DKK3: variants seen among roughly 807,000 people sequenced by gnomAD.
DKK3 encodes the protein dickkopf Wnt signaling pathway inhibitor 3, also known as dickkopf-related protein 3.
A neutral mutation model predicts 33.2 loss-of-function variants in DKK3; 22 were observed. The ratio of observed to expected loss-of-function variants is 0.66; its 90% CI spans 0.47 to 0.95. The LOEUF (loss-of-function observed/expected upper bound fraction) is 0.95, where lower values mean the gene tolerates loss of function less well. Ranked by LOEUF, DKK3 falls within the 40% of genes least tolerant of loss-of-function variation. The pLI, the probability that DKK3 is intolerant of heterozygous loss-of-function variation, is 0.00. For synonymous variants in DKK3, 194 were observed against 188.8 expected (o/e 1.03, Z -0.23); for missense variants, 398 against 458.4 (o/e 0.87, Z 1.20).
chr11:11,968,044 G>A (rs1847639199), intron 4 of DKK3, among the ~76,000 whole-genome samples: 2 of 151,960 alleles, frequency 1.3e-5, no homozygotes, highest in African/African-American at 2.4e-5. Flanking sequence ...TCGAACTCCC[G>A]GCCTCAATAG....
chr11:11,968,624 A>G, intron 3 of DKK3, 137 bp from the exon 4 acceptor site: 1 of 712,796 alleles, frequency 1.4e-6, no homozygotes. Flanking sequence ...AGGCCTCCAG[A>G]CTCTAGTCGC....
chr11:12,003,321 G>T (rs935341068), intron 1 of DKK3, among the ~76,000 whole-genome samples: 1 of 152,132 alleles, frequency 6.6e-6, no homozygotes, highest in Non-Finnish European at 1.5e-5. Flanking sequence ...ACCCTTGTAG[G>T]AAATCCTTGC....
At chr11:11,991,141 A>G (rs1403367866) in intron 3 of DKK3, among the ~76,000 whole-genome samples, 1 of 152,264 alleles carries the variant, frequency 6.6e-6, no homozygotes, top group Non-Finnish European at 1.5e-5. Flanking sequence ...TCTCAAGCTC[A>G]GAGAACCCAA....
chr11:11,969,804 G>T (rs531904030), intron 3 of DKK3, among the ~76,000 whole-genome samples: 2 of 152,166 alleles, frequency 1.3e-5, no homozygotes, highest in Non-Finnish European at 2.9e-5. Context: ...AAGTGCTGGC[G>T]GCCCAGCAAC....
At chr11:12,009,330 G>C, upstream of DKK3, 6 of 979,240 alleles carry the variant, frequency 6.1e-6, no homozygotes, top group Non-Finnish European at 7.2e-6. Flanking sequence ...GAGGGAGCCC[G>C]CAAGACGCGC....
At chr11:11,971,144 C>T (rs1337181492) in intron 3 of DKK3, among the ~76,000 whole-genome samples, 1 of 151,676 alleles carries the variant, frequency 6.6e-6, no homozygotes, top group Non-Finnish European at 1.5e-5. Context: ...AACACTTGTC[C>T]ATATATGTAA....
intron 3 of DKK3, among the ~76,000 whole-genome samples, chr11:11,970,833 C>G (rs996770787): frequency 6.6e-6 from 1 of 152,240 alleles, no homozygotes. Flanking sequence ...CAGCCCTGCC[C>G]ACTCTTTGCT....
chr11:11,982,668 G>A lies in DKK3; in HGVS notation c.436-14181C>T, dbSNP rs150623455. Among the ~76,000 whole-genome samples, 1,239 of 152,212 alleles carry A rather than the reference G, an allele frequency of 8.1e-3. 14 individuals carry two copies. Among genetic ancestry groups the A allele is most frequent in the African/African-American group, 0.027 (1,137 of 41,520 alleles). On this transcript the variant is annotated intron_variant, in intron 3 of 6. Coordinates refer to ENST00000683431, the MANE Select transcript of DKK3 (RefSeq NM_001018057.2). ...TGGCCACAGAGTTCTGGGCCTTCCC[G>A]CTTCCATGGGCCAGGGAGAGCACAG...
Position 11,964,640 on chromosome 11 carries a change from C to A in DKK3, c.877G>T (p.Asp293Tyr), listed in dbSNP as rs907320620. ...GGCAGCAGGATCTCCCCATCTTGGTCACGGCTCCCCACGAAGGTCGGCTTG... is the reference window on the plus strand; with the variant it reads ...GGCAGCAGGATCTCCCCATCTTGGTAACGGCTCCCCACGAAGGTCGGCTTG... ...VCKPTFVGSRDQDGEILLPRE... is the reference protein window; with the variant it reads ...VCKPTFVGSRYQDGEILLPRE... The change falls in exon 7 of 7, where the codon GAC becomes TAC. Residue 293 changes from aspartate (D) to tyrosine (Y), a missense_variant. Asp to Tyr is a radical substitution (Grantham distance 160, BLOSUM62 -3). Transcript: ENST00000683431. The A allele has an allele frequency of 5.0e-6, 8 of 1,614,016 alleles. No homozygotes were observed. In the African/African-American group the frequency reaches 1.1e-4, roughly 22 times the overall value.
chr11:11,984,025 C>A (rs1363736277), intron 3 of DKK3, among the ~76,000 whole-genome samples: 5 of 152,192 alleles, frequency 3.3e-5, no homozygotes, highest in Non-Finnish European at 7.3e-5. Context: ...TCTACAGCCT[C>A]CCTGCTGCCC....
At chr11:11,998,804 A>C (rs1292919949) in intron 2 of DKK3, 25 bp from the exon 3 acceptor site, 1 of 1,586,552 alleles carries the variant, frequency 6.3e-7, no homozygotes, top group Non-Finnish European at 8.7e-7. Context: ...GTACAATGAA[A>C]GTAAAATAGA....
chr11:11,964,728 C>T (rs775082546), intron 6 of DKK3, 42 bp from the exon 7 acceptor site: 14 of 1,582,404 alleles, frequency 8.8e-6, no homozygotes, highest in Non-Finnish European at 1.1e-5. Flanking sequence ...AACGTGGGAG[C>T]CTGCCCAGGC....
chr11:12,002,520 C>A, intron 1 of DKK3, 83 bp from the exon 2 acceptor site: 1 of 1,456,470 alleles, frequency 6.9e-7, no homozygotes, highest in Non-Finnish European at 9.4e-7. Context: ...AATCTCTTTT[C>A]CTCTTCTGCA....
intron 3 of DKK3, among the ~76,000 whole-genome samples, chr11:11,972,323 G>A (rs898983090): frequency 3.3e-5 from 5 of 152,198 alleles, no homozygotes; most frequent in African/African-American, 1.2e-4. Context: ...GAGCAGAAAG[G>A]AAGGTCTAAA....
chr11:12,003,363 G>T (rs1163274318), intron 1 of DKK3, among the ~76,000 whole-genome samples: 1 of 152,176 alleles, frequency 6.6e-6, no homozygotes, highest in African/African-American at 2.4e-5. Context: ...CAGTTAACCA[G>T]TTCCCGGGGT....
At chr11:11,967,172 T>C (rs993967523) in intron 4 of DKK3, 74 bp from the exon 5 acceptor site, 2 of 1,552,468 alleles carry the variant, frequency 1.3e-6, no homozygotes, top group Non-Finnish European at 1.7e-6. Context: ...AGCCTGAAGA[T>C]ACCACAGATA....
At chr11:11,981,946 A>T (rs1473853101) in intron 3 of DKK3, among the ~76,000 whole-genome samples, 1 of 152,016 alleles carries the variant, frequency 6.6e-6, no homozygotes, top group East Asian at 1.9e-4. Context: ...GACTTTTCAT[A>T]AGATATCTGT....
At chr11:11,987,416 T>A (rs569770050) in intron 3 of DKK3, among the ~76,000 whole-genome samples, 3 of 152,290 alleles carry the variant, frequency 2.0e-5, no homozygotes, top group East Asian at 1.9e-4. Context: ...GAAAACTACA[T>A]CCCTCCCATC....
chr11:11,982,323 C>T (rs755033018), intron 3 of DKK3, among the ~76,000 whole-genome samples: 4 of 152,044 alleles, frequency 2.6e-5, no homozygotes, highest in African/African-American at 4.8e-5. Context: ...CTGGGTGACA[C>T]GTCAGGTCTC....
Sources: gnomAD v4.1 joint callset for allele counts (sites outside exome capture counted in the v4.1 genomes callset) on GRCh38, gnomAD v4.1.1 for gene constraint, MANE v1.5 for transcripts, NCBI Gene and HGNC (gene_info 2026-07-23, HGNC 2026-07-21) for gene names.